NRXN1: variants seen among roughly 807,000 people sequenced by gnomAD.
NRXN1 encodes neurexin-1.
A neutral mutation model predicts 150.9 loss-of-function variants in NRXN1; 39 were observed. The observed-to-expected ratio is 0.26, with a 90% CI of 0.20 to 0.34. The LOEUF is 0.34. Among genes scored for constraint, NRXN1 ranks in the 10% least tolerant of loss-of-function variants. NRXN1 has a pLI of 1.00. For synonymous variants in NRXN1, 924 were observed against 757.0 expected, an observed-to-expected ratio of 1.22 and a Z score of -3.62; for missense variants, 1,815 against 1,949.9, an observed-to-expected ratio of 0.93 and a Z score of 1.30.
At chr2:50,583,667 G>C (rs1177023946) in intron 8 of NRXN1, among the ~76,000 whole-genome samples, 1 of 152,156 alleles carries the variant, frequency 6.6e-6, no homozygotes, top group Non-Finnish European at 1.5e-5. Flanking sequence ...TACCCGAAGT[G>C]GTACAGGCAT....
At chr2:50,910,974 A>T (rs564256040) in intron 5 of NRXN1, among the ~76,000 whole-genome samples, 4 of 152,166 alleles carry the variant, frequency 2.6e-5, no homozygotes, top group African/African-American at 9.6e-5. Flanking sequence ...ACATTAAAAA[A>T]TACTTGTCTG....
intron 17 of NRXN1, among the ~76,000 whole-genome samples, chr2:50,330,334 C>T (rs534442287): frequency 6.6e-6 from 1 of 152,214 alleles, no homozygotes; most frequent in South Asian, 2.1e-4. Flanking sequence ...TCACTAATAA[C>T]CAATGTTATC....
At chr2:50,800,450 C>CCATG (rs1470600822) in intron 5 of NRXN1, among the ~76,000 whole-genome samples, 3 of 152,160 alleles carry the variant, frequency 2.0e-5, no homozygotes, top group African/African-American at 7.2e-5. Context: ...GTTGTAGGAA[C>CCATG]CATGGGTGTT....
intron 21 of NRXN1, among the ~76,000 whole-genome samples, chr2:50,025,256 T>C (rs536738228): frequency 1.3e-5 from 2 of 152,176 alleles, no homozygotes; most frequent in Non-Finnish European, 2.9e-5. Context: ...ACAATACATA[T>C]ATACAACTCT....
chr2:50,454,759 T>A (rs1415750767), intron 17 of NRXN1, among the ~76,000 whole-genome samples: 1 of 151,382 alleles, frequency 6.6e-6, no homozygotes, highest in Non-Finnish European at 1.5e-5. Flanking sequence ...GAGCATTTAA[T>A]AAGTGTTATG....
At chr2:49,990,320 T>A (rs1459199915) in intron 21 of NRXN1, among the ~76,000 whole-genome samples, 5 of 152,036 alleles carry the variant, frequency 3.3e-5, no homozygotes, top group Admixed American at 3.3e-4. Flanking sequence ...GATCTAAGAA[T>A]GATCTAAGAG....
At chr2:50,901,051 A>G (rs1165150661) in intron 5 of NRXN1, among the ~76,000 whole-genome samples, 1 of 151,982 alleles carries the variant, frequency 6.6e-6, no homozygotes, top group African/African-American at 2.4e-5. Context: ...TTCTCTATAG[A>G]AGGTATCACT....
Position 50,346,837 on chromosome 2 carries a change from G to C in NRXN1, c.3365-109867C>G. On this transcript the variant is annotated intron_variant, in intron 17 of 22. Coordinates refer to ENST00000401669, the MANE Select transcript of NRXN1 (RefSeq NM_001330078.2). This position sits in a 1 kb window ranked among gnomAD's most constrained non-coding sequence, Gnocchi z 5.0. Reference sequence around the variant, plus strand: ...TCCTAGGAGGCCGCTGAGGGTGAGCGGGACTATCCAAAGCAGGGCCAGGCG... The same window carrying C: ...TCCTAGGAGGCCGCTGAGGGTGAGCCGGACTATCCAAAGCAGGGCCAGGCG... 1.9e-6 allele frequency: 3 copies of C among 1,609,444 alleles called. No individual in the cohort carries two copies. Among genetic ancestry groups the C allele is most frequent in the Non-Finnish European group, 2.5e-6 (3 of 1,178,590 alleles).
At chr2:50,954,712 T>C (rs1327983176) in intron 2 of NRXN1, among the ~76,000 whole-genome samples, 4 of 152,186 alleles carry the variant, frequency 2.6e-5, no homozygotes, top group Admixed American at 2.6e-4. Context: ...ATGCAAAGCT[T>C]ACTTCCAGTT....
In NRXN1 at chr2:50,154,760, G is replaced by C. The variant is rs74707533; in HGVS notation, c.3547-63266C>G. Among the ~76,000 whole-genome samples, 100 of 151,692 alleles carry C rather than the reference G, an allele frequency of 6.6e-4. 1 individual carries two copies. In the East Asian group the frequency reaches 0.017, roughly 26 times the overall value. Reference sequence around the variant, plus strand: ...CTGGATGTTTTGCAAAAACTTTTATGAAGAATTTTTCAAAAGAAAGTCATG... The same window carrying C: ...CTGGATGTTTTGCAAAAACTTTTATCAAGAATTTTTCAAAAGAAAGTCATG... On this transcript the variant is annotated intron_variant, in intron 18 of 22. Coordinates refer to ENST00000401669, the MANE Select transcript of NRXN1 (RefSeq NM_001330078.2).
intron 17 of NRXN1, among the ~76,000 whole-genome samples, chr2:50,399,395 A>G (rs945416360): frequency 6.6e-6 from 1 of 150,742 alleles, no homozygotes; most frequent in Non-Finnish European, 1.5e-5. Context: ...CATTTTCTCT[A>G]CTCCTGAGTT....
At chr2:50,255,535 T>C (rs1365881695) in intron 17 of NRXN1, among the ~76,000 whole-genome samples, 3 of 152,148 alleles carry the variant, frequency 2.0e-5, no homozygotes, top group African/African-American at 7.2e-5. Context: ...GCACATCAGA[T>C]CCTTGAACAC....
intron 19 of NRXN1, among the ~76,000 whole-genome samples, chr2:50,074,751 C>T (rs1298849006): frequency 6.6e-6 from 1 of 152,146 alleles, no homozygotes; most frequent in Non-Finnish European, 1.5e-5. Flanking sequence ...AGTACATTAT[C>T]TTATAAAACT....
Position 50,734,769 on chromosome 2 carries a change from C to A in NRXN1, c.833-111154G>T, listed in dbSNP as rs945005864. ...TAACCCCCCCAAAACAACAAAAAAA[C>A]TCTGTGTTGGCTAAAATGGCAGACA... is the stretch of plus-strand genomic sequence containing the variant. On this transcript the variant is annotated intron_variant, in intron 5 of 22. Coordinates refer to ENST00000401669, the MANE Select transcript of NRXN1 (RefSeq NM_001330078.2). Among the ~76,000 whole-genome samples, 17 of 149,230 alleles carry A rather than the reference C, an allele frequency of 1.1e-4. 1 individual carries two copies. Among genetic ancestry groups the A allele is most frequent in the Non-Finnish European group, 2.1e-4 (14 of 67,496 alleles).
At chr2:50,345,382 C>T (rs1204613706) in intron 17 of NRXN1, among the ~76,000 whole-genome samples, 2 of 152,140 alleles carry the variant, frequency 1.3e-5, no homozygotes, top group Non-Finnish European at 2.9e-5. Context: ...AAGGGCCATC[C>T]TGGTAGCACC....
intron 17 of NRXN1, chr2:50,417,338 AT>A (rs939971148): frequency 6.6e-6 from 1 of 152,134 alleles, no homozygotes; most frequent in African/African-American, 2.4e-5. Context: ...GTACTATTTT[AT>A]TGGGTACAGA....
intron 17 of NRXN1, chr2:50,312,675 A>AT (rs2075275618): frequency 1.0e-5 from 5 of 496,354 alleles, no homozygotes; most frequent in Non-Finnish European, 1.6e-5. Flanking sequence ...AGTCCATCTG[A>AT]TTTTTTGTCA....
At chr2:50,324,810 TGTG>T (rs2076281285) in intron 17 of NRXN1, among the ~76,000 whole-genome samples, 1 of 152,246 alleles carries the variant, frequency 6.6e-6, no homozygotes, top group East Asian at 1.9e-4. Context: ...CTGGAGAGGC[TGTG>T]GTCATTTTTA....
intron 15 of NRXN1, among the ~76,000 whole-genome samples, chr2:50,473,381 C>A (rs1048039354): frequency 6.6e-6 from 1 of 151,572 alleles, no homozygotes. Flanking sequence ...AGATTACAAT[C>A]TATGTTGGAT....
Sources: allele counts gnomAD v4.1 joint callset (sites outside exome capture counted in the v4.1 genomes callset), GRCh38; gene constraint gnomAD v4.1.1; non-coding constraint Gnocchi (gnomAD v3.1); transcripts MANE v1.5; gene names NCBI Gene and HGNC (gene_info 2026-07-23, HGNC 2026-07-21).